Variants in ASCC2 observed in about 807,000 individuals in gnomAD.
ASCC2 encodes activating signal cointegrator 1 complex subunit 2.
ASCC2 carries 42 observed loss-of-function variants against 93.5 expected under a neutral mutation model. The observed-to-expected ratio is 0.45, with a 90% CI of 0.35 to 0.58. The LOEUF is 0.58. Among genes scored for constraint, ASCC2 ranks in the 20% least tolerant of loss-of-function variants. The pLI is 0.00. For synonymous variants in ASCC2, 364 were observed against 384.2 expected, an observed-to-expected ratio of 0.95 and a Z score of 0.62; for missense variants, 859 against 977.6, an observed-to-expected ratio of 0.88 and a Z score of 1.62.
intron 1 of ASCC2, among the ~76,000 whole-genome samples, chr22:29,835,780 G>A (rs2063708478): frequency 6.6e-6 from 1 of 152,148 alleles, no homozygotes; most frequent in South Asian, 2.1e-4. Flanking sequence ...GGGCTTCCTG[G>A]TTTATTCAGC....
chr22:29,803,406 C>G (rs868554594), intron 13 of ASCC2, among the ~76,000 whole-genome samples: 9 of 152,070 alleles, frequency 5.9e-5, no homozygotes, highest in African/African-American at 1.9e-4. Context: ...ACCTCAGTTT[C>G]CTCCTTATAA....
In ASCC2 at chr22:29,818,477, C is replaced by CACACACAG. The variant is rs1569410952; in HGVS notation, c.542-2405_542-2404insCTGTGTGT. 2.4e-4 allele frequency among the ~76,000 whole-genome samples: 21 copies of CACACACAG among 86,406 alleles called. 2 individuals are homozygous for CACACACAG. The highest frequency in any genetic ancestry group is 3.7e-4 in the African/African-American group (9 of 24,310). 56.7% of individuals were successfully genotyped at this position (86,406 alleles called of 152,430 possible). On this transcript the variant is annotated intron_variant, in intron 5 of 19. Transcript: ENST00000307790. ...ACACACACACACACACACACACACA[C>CACACACAG]AGTGAAGGGGCTCCTGAGGCCTGGT...
chr22:29,806,414 G>A (rs917155805), intron 11 of ASCC2, 71 bp downstream of exon 11: 5 of 1,575,714 alleles, frequency 3.2e-6, no homozygotes, highest in Non-Finnish European at 3.5e-6. Context: ...CTATAGCGGG[G>A]GTCTATCATG....
chr22:29,833,549 CAGTG>C (rs1222281207), intron 1 of ASCC2: 1 of 470,482 alleles, frequency 2.1e-6, no homozygotes, highest in Admixed American at 2.4e-5. Context: ...ACCTCACAGT[CAGTG>C]AGTGGCAGAT....
intron 13 of ASCC2, among the ~76,000 whole-genome samples, chr22:29,803,316 TA>T (rs1320344464): frequency 6.6e-6 from 1 of 151,752 alleles, no homozygotes; most frequent in Non-Finnish European, 1.5e-5. Context: ...TAAATTAAAT[TA>T]AAATTTTGAA....
Position 29,816,023 on chromosome 22 carries a change from G to A in ASCC2, c.592C>T (p.Leu198=). 3.8e-6 allele frequency: 6 copies of A among 1,596,950 alleles called. No individual in the cohort carries two copies. Among genetic ancestry groups the A allele is most frequent in the Non-Finnish European group, 3.4e-6 (4 of 1,171,140 alleles). Residue 198 remains leucine, a synonymous_variant, in exon 6 of 20, where the codon CTG becomes TTG. Transcript: ENST00000307790. ...PSYYSDLDET[L]PTILQVFSNI... is the part of the protein sequence containing the mutation. ...GCTGGTACCTGAAGGATGGTAGGCA[G>A]GGTTTCATCCAGGTCACTGTAGTAA... is the stretch of plus-strand genomic sequence containing the variant.
intron 5 of ASCC2, among the ~76,000 whole-genome samples, chr22:29,817,350 C>T (rs1007366350): frequency 1.3e-5 from 2 of 152,164 alleles, no homozygotes; most frequent in Non-Finnish European, 1.5e-5. Context: ...AAACTCCTGA[C>T]CATGGCACAA....
At chr22:29,814,569 A>T in intron 7 of ASCC2, 88 bp downstream of exon 7, 2 of 1,137,420 alleles carry the variant, frequency 1.8e-6, no homozygotes, top group Non-Finnish European at 1.2e-6. Context: ...TGGGTCCTCT[A>T]CTGGGGCAAT....
intron 8 of ASCC2, among the ~76,000 whole-genome samples, chr22:29,808,548 CAGT>C (rs2059938828): frequency 1.3e-5 from 2 of 152,192 alleles, no homozygotes; most frequent in Non-Finnish European, 2.9e-5. Flanking sequence ...TAGCCAGGCA[CAGT>C]GGCTCATGCC....
At position 29,804,837 on chromosome 22, in the gene ASCC2, G is replaced by A. The variant is rs1403438765; in HGVS notation, c.1161-7C>T. The A allele has an allele frequency of 4.3e-6, 7 of 1,613,674 alleles. No individual in the cohort carries two copies. The highest frequency in any genetic ancestry group is 5.9e-6 in the Non-Finnish European group (7 of 1,179,658). ...GGCAGTCCGCGTCTCGTCCCTGTGA[G>A]GACTTGTTAAGGGGTCTGTCTTAAG... On this transcript the variant is annotated splice_region_variant and splice_polypyrimidine_tract_variant and intron_variant, in intron 12 of 19. Transcript: ENST00000307790.
chr22:29,832,402 T>C, intron 1 of ASCC2, 60 bp from the exon 2 acceptor site: 1 of 1,337,578 alleles, frequency 7.5e-7, no homozygotes. Context: ...GGGCAGGGCC[T>C]GCTCTGGGGC....
At chr22:29,835,647 C>T (rs1409474830) in intron 1 of ASCC2, among the ~76,000 whole-genome samples, 2 of 152,056 alleles carry the variant, frequency 1.3e-5, no homozygotes, top group Non-Finnish European at 2.9e-5. Context: ...TACATAAACT[C>T]GTAGGGTTGC....
intron 9 of ASCC2, among the ~76,000 whole-genome samples, chr22:29,807,311 G>C (rs1311648900): frequency 6.7e-6 from 1 of 149,736 alleles, no homozygotes; most frequent in Non-Finnish European, 1.5e-5. Flanking sequence ...CTTCTCCCCA[G>C]CAGTTGCAGG....
At chr22:29,793,775 C>T (rs1345344261) in intron 15 of ASCC2, 99 bp from the exon 16 acceptor site, 1 of 1,123,118 alleles carries the variant, frequency 8.9e-7, no homozygotes, top group African/African-American at 1.5e-5. Context: ...CTGCTCCAGC[C>T]CTCAGACTGT....
intron 14 of ASCC2, 148 bp downstream of exon 14, chr22:29,801,846 T>C: frequency 1.4e-6 from 1 of 737,764 alleles, no homozygotes; most frequent in Non-Finnish European, 2.2e-6. Context: ...AAGGTTTTTA[T>C]GTTTCCCCAA....
intron 15 of ASCC2, 53 bp from the exon 16 acceptor site, chr22:29,793,729 C>A: frequency 1.3e-6 from 2 of 1,512,640 alleles, no homozygotes; most frequent in South Asian, 1.2e-5. Flanking sequence ...CTTGGAAGGC[C>A]GCAGGGTACG....
chr22:29,794,415 C>G (rs1352940302), intron 15 of ASCC2, among the ~76,000 whole-genome samples: 2 of 151,706 alleles, frequency 1.3e-5, no homozygotes, highest in Admixed American at 1.3e-4. Flanking sequence ...TCGCTTGAAG[C>G]TGGGAAGTGG....
chr22:29,803,712 T>C (rs555072519), intron 13 of ASCC2, among the ~76,000 whole-genome samples: 3 of 152,366 alleles, frequency 2.0e-5, no homozygotes, highest in Admixed American at 2.0e-4. Flanking sequence ...GTTAGCCTTT[T>C]AATTTAAGGA....
At position 29,793,626 on chromosome 22, in the gene ASCC2, A is replaced by G; in HGVS notation, c.1739T>C (p.Val580Ala). The change falls in exon 16 of 20, where the codon GTG becomes GCG. Residue 580 changes from valine (V) to alanine (A), a missense_variant. Physicochemically the swap from Val to Ala is moderately conservative, Grantham distance 64 (BLOSUM62 0). Transcript: ENST00000307790. ...TRSLLNDKRAVAAQRQRYEQY... is the reference protein window; with the variant it reads ...TRSLLNDKRAAAAQRQRYEQY... ...CTCGTAGCGCTGCCGCTGTGCCGCC[A>G]CTGCACGCTTGTCGTTCAGCAAACT... The G allele has an allele frequency of 6.2e-7, 1 of 1,604,986 alleles. No homozygotes were observed. The highest frequency in any genetic ancestry group is 8.5e-7 in the Non-Finnish European group (1 of 1,176,250).
Sources: allele counts gnomAD v4.1 joint callset (sites outside exome capture counted in the v4.1 genomes callset), GRCh38; gene constraint gnomAD v4.1.1; transcripts MANE v1.5; gene names NCBI Gene and HGNC (gene_info 2026-07-23, HGNC 2026-07-21).